Variants in IPCEF1 observed in about 807,000 individuals in gnomAD.
IPCEF1 encodes the protein interactor protein for cytohesin exchange factors 1.
IPCEF1 carries 31 observed loss-of-function variants against 50.9 expected under a neutral mutation model. The ratio of observed to expected loss-of-function variants is 0.61; its 90% CI spans 0.46 to 0.82. The LOEUF is 0.82. IPCEF1 is among the 40% of genes least tolerant of loss of function. IPCEF1 has a pLI of 0.00. For synonymous variants in IPCEF1, 181 were observed against 192.0 expected, an observed-to-expected ratio of 0.94 and a Z score of 0.47; for missense variants, 458 against 514.0, an observed-to-expected ratio of 0.89 and a Z score of 1.05.
intron 1 of IPCEF1, among the ~76,000 whole-genome samples, chr6:154,328,324 C>CA (rs541618483): frequency 6.6e-6 from 1 of 151,982 alleles, no homozygotes; most frequent in Admixed American, 6.5e-5. Flanking sequence ...AGTGCTCTGT[C>CA]AAAAAAGGGA....
At chr6:154,245,767 C>T (rs1190492695) in intron 5 of IPCEF1, among the ~76,000 whole-genome samples, 1 of 152,172 alleles carries the variant, frequency 6.6e-6, no homozygotes, top group Non-Finnish European at 1.5e-5. Context: ...GCAATCAAAC[C>T]TCACTGGGTT....
chr6:154,166,461 T>C (rs774212592), intron 11 of IPCEF1, among the ~76,000 whole-genome samples: 5 of 152,224 alleles, frequency 3.3e-5, no homozygotes, highest in Non-Finnish European at 5.9e-5. Context: ...TATTATCCGT[T>C]GACAGACATT....
intron 1 of IPCEF1, among the ~76,000 whole-genome samples, chr6:154,300,421 G>A (rs1583964268): frequency 1.3e-5 from 2 of 152,146 alleles, no homozygotes; most frequent in Admixed American, 1.3e-4. Flanking sequence ...AGACCTGCCT[G>A]GGCAACATAT....
At chr6:154,229,068 T>C (rs111246768) in intron 5 of IPCEF1, among the ~76,000 whole-genome samples, 1 of 152,176 alleles carries the variant, frequency 6.6e-6, no homozygotes, top group African/African-American at 2.4e-5. Context: ...CTGGACTAGG[T>C]GCCCCCATGT....
At chr6:154,321,447 C>G (rs1268568656) in intron 1 of IPCEF1, among the ~76,000 whole-genome samples, 1 of 151,278 alleles carries the variant, frequency 6.6e-6, no homozygotes, top group Non-Finnish European at 1.5e-5. Flanking sequence ...TATAAATTTC[C>G]TTCTCAACCT....
rs548403920 is a variant in IPCEF1, at chr6:154,199,407, TATC to T, written c.910+258_910+260del. On this transcript the variant is annotated intron_variant, in intron 10 of 11. Transcript: ENST00000367220. The stretch of plus-strand genomic sequence containing the variant: ...GTTTTTTCTCCGATTGGTGGAAAAG[TATC>T]ATTATTTTATGATCACATGTCTTGG... Among the ~76,000 whole-genome samples the T allele has an allele frequency of 4.6e-3, 697 of 152,350 alleles. 8 individuals carry two copies. Among genetic ancestry groups the T allele is most frequent in the African/African-American group, 0.016 (679 of 41,586 alleles).
chr6:154,192,496 G>A (rs9478516), intron 10 of IPCEF1, among the ~76,000 whole-genome samples: 22,540 of 151,938 alleles, frequency 0.15, 1,996 homozygotes, highest in African/African-American at 0.24. Context: ...GAAAAGAAAT[G>A]GAAAACCAAA....
At chr6:154,214,323 C>G (rs781240498) in intron 7 of IPCEF1, 47 bp from the exon 8 acceptor site, 1 of 1,287,940 alleles carries the variant, frequency 7.8e-7, no homozygotes, top group South Asian at 1.2e-5. Flanking sequence ...GATTAGCCCC[C>G]CACCCATTCA....
At chr6:154,191,242 G>T in intron 10 of IPCEF1, among the ~76,000 whole-genome samples, 1 of 152,158 alleles carries the variant, frequency 6.6e-6, no homozygotes, top group Non-Finnish European at 1.5e-5. Context: ...CCTGGGAGAA[G>T]GGTAGAAGGA....
In IPCEF1 at chr6:154,167,927, G is replaced by A; in HGVS notation, c.1097C>T (p.Thr366Ile). The A allele has an allele frequency of 3.8e-6, 6 of 1,590,438 alleles. No individual in the cohort carries two copies. The highest frequency in any genetic ancestry group is 5.2e-6 in the Non-Finnish European group (6 of 1,161,100). The stretch of plus-strand genomic sequence containing the variant: ...AATTTGAAATTTTGTTACCTTTAAT[G>A]TGCTATTCAATGTTCGGATTTTGTG... ...KLHKIRTLNS[T>I]LKCKEHDLAM... Residue 366 changes from threonine (T) to isoleucine (I), a missense_variant, in exon 11 of 12, where the codon ACA (threonine) becomes ATA (isoleucine). By Grantham distance (89) the Thr-to-Ile change is moderately conservative. Coordinates refer to ENST00000367220, the MANE Select transcript of IPCEF1 (RefSeq NM_001130700.2).
At position 154,155,239 on chromosome 6, in the gene IPCEF1, G is replaced by A. The variant is rs572675682; in HGVS notation, c.*4589C>T. The A allele has an allele frequency of 6.6e-6, 1 of 152,236 alleles. No individual in the cohort carries two copies. The highest frequency in any genetic ancestry group is 2.1e-4 in the South Asian group (1 of 4,826). 9.4% of individuals were successfully genotyped at this position (152,236 alleles called of 1,614,324 possible). ...CCCCTTCCACAGTCCATTTCATACA[G>A]GCTGCAAACATTTAGTTTCAGGGAC... On this transcript the variant is annotated 3_prime_UTR_variant, in exon 12 of 12. Transcript: ENST00000367220.
At chr6:154,316,329 T>A (rs1320271236) in intron 1 of IPCEF1, among the ~76,000 whole-genome samples, 1 of 152,184 alleles carries the variant, frequency 6.6e-6, no homozygotes, top group Non-Finnish European at 1.5e-5. Context: ...ACCAAAAAAA[T>A]TAAGGTGACT....
chr6:154,201,434 G>T (rs1777060502), intron 9 of IPCEF1, among the ~76,000 whole-genome samples: 1 of 151,918 alleles, frequency 6.6e-6, no homozygotes, highest in South Asian at 2.1e-4. Context: ...ACTCTGTCTT[G>T]TTCCTCCATT....
At chr6:154,271,607 C>T (rs1304190127) in intron 2 of IPCEF1, among the ~76,000 whole-genome samples, 1 of 152,096 alleles carries the variant, frequency 6.6e-6, no homozygotes, top group East Asian at 1.9e-4. Context: ...ACATGTATGA[C>T]AAAAACTTTA....
intron 5 of IPCEF1, among the ~76,000 whole-genome samples, chr6:154,233,119 C>T (rs928373214): frequency 6.6e-6 from 1 of 152,070 alleles, no homozygotes; most frequent in Non-Finnish European, 1.5e-5. Context: ...CAGGCATGTG[C>T]CGCCACGCCC....
intron 9 of IPCEF1, among the ~76,000 whole-genome samples, chr6:154,206,803 C>T (rs896320427): frequency 6.6e-6 from 1 of 152,132 alleles, no homozygotes; most frequent in Non-Finnish European, 1.5e-5. Flanking sequence ...AACTTTATAC[C>T]TACAGGTACG....
intron 1 of IPCEF1, among the ~76,000 whole-genome samples, chr6:154,313,067 C>CAAAAAAAAAAAAAAAAAAAAAAAAAA (rs71021040): frequency 3.4e-5 from 2 of 59,034 alleles, no homozygotes; most frequent in Admixed American, 2.5e-4. Flanking sequence ...GGCCCTGTCT[C>CAAAAAAAAAAAAAAAAAAAAAAAAAA]AAAAAAAAAA....
intron 10 of IPCEF1, among the ~76,000 whole-genome samples, chr6:154,187,034 A>T (rs1196111617): frequency 6.7e-6 from 1 of 149,982 alleles, no homozygotes; most frequent in Non-Finnish European, 1.5e-5. Context: ...CACGCCCTCC[A>T]CTCTACACAC....
intron 10 of IPCEF1, among the ~76,000 whole-genome samples, chr6:154,169,801 T>C (rs1799730207): frequency 6.6e-6 from 1 of 152,218 alleles, no homozygotes. Flanking sequence ...CAGTCACTGA[T>C]TCAGAGATAA....
Sources: allele counts gnomAD v4.1 joint callset (sites outside exome capture counted in the v4.1 genomes callset), GRCh38; gene constraint gnomAD v4.1.1; transcripts MANE v1.5; gene names NCBI Gene and HGNC (gene_info 2026-07-23, HGNC 2026-07-21).